PXDNL: variants seen among roughly 807,000 people sequenced by gnomAD.
PXDNL encodes peroxidasin like, also known as probable oxidoreductase PXDNL.
PXDNL carries 145 observed loss-of-function variants against 150.8 expected under a neutral mutation model. The observed-to-expected ratio is 0.96, with a 90% CI of 0.84 to 1.10. PXDNL has a LOEUF of 1.10. PXDNL is among the 50% of genes least tolerant of loss of function. The pLI is 0.00. For missense variants in PXDNL, 2,087 were observed against 1,873.9 expected, an observed-to-expected ratio of 1.11 and a Z score of -2.10; for synonymous variants, 757 against 725.7, an observed-to-expected ratio of 1.04 and a Z score of -0.69.
intron 14 of PXDNL, among the ~76,000 whole-genome samples, chr8:51,415,995 T>C (rs1309073182): frequency 2.0e-5 from 3 of 152,222 alleles, no homozygotes; most frequent in Non-Finnish European, 4.4e-5. Flanking sequence ...ACTTTTATCT[T>C]AGAAATAAAG....
intron 19 of PXDNL, among the ~76,000 whole-genome samples, chr8:51,353,386 C>A (rs916639181): frequency 2.0e-5 from 3 of 151,616 alleles, no homozygotes; most frequent in Admixed American, 6.6e-5. Flanking sequence ...TTTATTATTT[C>A]ATTTTTAATA....
chr8:51,342,015 G>A (rs1383940103), intron 20 of PXDNL, among the ~76,000 whole-genome samples: 1 of 152,086 alleles, frequency 6.6e-6, no homozygotes, highest in Non-Finnish European at 1.5e-5. Context: ...CATGTTACCT[G>A]CAAAATTATT....
At chr8:51,413,061 T>C (rs1315460525) in intron 15 of PXDNL, 89 bp downstream of exon 15, 4 of 769,762 alleles carry the variant, frequency 5.2e-6, no homozygotes, top group Non-Finnish European at 9.0e-6. Context: ...CTATTGCATA[T>C]GCACTATAAT....
chr8:51,644,359 CACACATATGTATATATAT>C (rs1814861863), intron 2 of PXDNL, among the ~76,000 whole-genome samples: 7 of 58,868 alleles, frequency 1.2e-4, no homozygotes, highest in African/African-American at 2.3e-4. Flanking sequence ...CACACACACA[CACACATATGTATATATAT>C]ACACACACAT....
chr8:51,781,728 G>A (rs1049815091), intron 1 of PXDNL, among the ~76,000 whole-genome samples: 1 of 152,162 alleles, frequency 6.6e-6, no homozygotes, highest in African/African-American at 2.4e-5. Flanking sequence ...GTCCAGCCTG[G>A]CAAGAGGTGC....
intron 8 of PXDNL, among the ~76,000 whole-genome samples, chr8:51,462,324 G>A (rs1810102091): frequency 1.3e-5 from 2 of 152,146 alleles, no homozygotes; most frequent in Non-Finnish European, 2.9e-5. Context: ...TGAAATGACA[G>A]ACATAAAATT....
At chr8:51,456,098 C>T (rs1486473037) in intron 9 of PXDNL, among the ~76,000 whole-genome samples, 1 of 152,200 alleles carries the variant, frequency 6.6e-6, no homozygotes, top group Non-Finnish European at 1.5e-5. Flanking sequence ...CTCATCCTGA[C>T]ATGCCTATCT....
At chr8:51,569,844 G>A (rs548336500) in intron 3 of PXDNL, among the ~76,000 whole-genome samples, 2 of 151,892 alleles carry the variant, frequency 1.3e-5, no homozygotes, top group African/African-American at 2.4e-5. Flanking sequence ...AGAGATACAC[G>A]GGCATGAAAA....
intron 10 of PXDNL, among the ~76,000 whole-genome samples, chr8:51,451,467 C>A (rs1054077080): frequency 6.6e-6 from 1 of 152,162 alleles, no homozygotes; most frequent in South Asian, 2.1e-4. Context: ...AGTCCCACCT[C>A]CAGTGCTAAA....
At chr8:51,516,397 C>T (rs1811540422) in intron 4 of PXDNL, among the ~76,000 whole-genome samples, 1 of 152,086 alleles carries the variant, frequency 6.6e-6, no homozygotes, top group South Asian at 2.1e-4. Context: ...TAAGCCTGGG[C>T]GTCTGTGAGT....
At chr8:51,777,705 C>G (rs2037367198) in intron 1 of PXDNL, among the ~76,000 whole-genome samples, 1 of 152,000 alleles carries the variant, frequency 6.6e-6, no homozygotes, top group Admixed American at 6.5e-5. Flanking sequence ...GAGTCTGAGA[C>G]CACCCTGGCC....
intron 1 of PXDNL, among the ~76,000 whole-genome samples, chr8:51,765,450 C>T (rs978276674): frequency 2.0e-5 from 3 of 152,140 alleles, no homozygotes; most frequent in African/African-American, 4.8e-5. Flanking sequence ...TACCCAGTCT[C>T]GGGTATGTCT....
intron 2 of PXDNL, among the ~76,000 whole-genome samples, chr8:51,637,371 A>C (rs200460075): frequency 6.6e-6 from 1 of 152,184 alleles, no homozygotes; most frequent in Middle Eastern, 3.2e-3. Flanking sequence ...GACGAGTTGA[A>C]AGAAGAAGGC....
At chr8:51,551,738 T>C (rs1281988043) in intron 4 of PXDNL, among the ~76,000 whole-genome samples, 3 of 152,030 alleles carry the variant, frequency 2.0e-5, no homozygotes, top group Non-Finnish European at 4.4e-5. Context: ...GATAACATTG[T>C]AAAAACTCTT....
intron 1 of PXDNL, among the ~76,000 whole-genome samples, chr8:51,758,219 CCT>C (rs1483465744): frequency 2.0e-5 from 3 of 152,020 alleles, no homozygotes; most frequent in Non-Finnish European, 4.4e-5. Context: ...GGAGTCACCA[CCT>C]CACACGTATT....
chr8:51,437,780 A>C lies in PXDNL; in HGVS notation c.1525+9224T>G, dbSNP rs570808159. Among the ~76,000 whole-genome samples the C allele has an allele frequency of 2.0e-5, 3 of 152,110 alleles. No homozygotes were observed. In the South Asian group the frequency reaches 6.2e-4, roughly 32 times the overall value. On this transcript the variant is annotated intron_variant, in intron 12 of 22. Coordinates refer to ENST00000356297, the MANE Select transcript of PXDNL (RefSeq NM_144651.5). ...GGCACTATCCCTCAGAACTACTTCT[A>C]TTCAACATAGTACTGGAAGTCCTAG...
chr8:51,479,473 G>A (rs1810553453), intron 6 of PXDNL, among the ~76,000 whole-genome samples: 1 of 152,150 alleles, frequency 6.6e-6, no homozygotes, highest in African/African-American at 2.4e-5. Context: ...ATCCCACATA[G>A]GATTGAAAAA....
At chr8:51,354,114 G>A (rs2976985) in intron 19 of PXDNL, among the ~76,000 whole-genome samples, 102,591 of 151,904 alleles carry the variant, frequency 0.68, 36,385 homozygotes, top group East Asian at 0.94. Flanking sequence ...GTTTTCCCTA[G>A]TGATCTGCAG....
chr8:51,476,918 A>G (rs1810491675), intron 6 of PXDNL, among the ~76,000 whole-genome samples: 1 of 152,228 alleles, frequency 6.6e-6, no homozygotes, highest in Non-Finnish European at 1.5e-5. Context: ...TTCATGCACA[A>G]AAAGTCCTTA....
Sources: gnomAD v4.1 joint callset for allele counts (sites outside exome capture counted in the v4.1 genomes callset) on GRCh38, gnomAD v4.1.1 for gene constraint, MANE v1.5 for transcripts, NCBI Gene and HGNC (gene_info 2026-07-23, HGNC 2026-07-21) for gene names.